Variants in ERMP1 observed in about 807,000 individuals in gnomAD.
ERMP1 encodes Felix-ina.
Under a neutral mutation model 92.0 loss-of-function variants are expected in ERMP1, and 86 were observed. The observed-to-expected ratio is 0.93, with a 90% confidence interval of 0.79 to 1.12. The LOEUF (loss-of-function observed/expected upper bound fraction) is 1.12, where lower values mean the gene tolerates loss of function less well. ERMP1 is among the 50% of genes most tolerant of loss of function. ERMP1 has a pLI of 0.00. For synonymous variants in ERMP1, 530 were observed against 412.8 expected, an observed-to-expected ratio of 1.28 and a Z score of -3.44; for missense variants, 1,342 against 1,116.3, an observed-to-expected ratio of 1.20 and a Z score of -2.88.
At chr9:5,797,755 A>C (rs1390558209) in intron 13 of ERMP1, 62 bp downstream of exon 13, 1 of 981,836 alleles carries the variant, frequency 1.0e-6, no homozygotes, top group African/African-American at 1.6e-5. Context: ...AAAAACATAC[A>C]TGCCACTTAT....
At chr9:5,840,679 T>G (rs531640721) in intron 6 of ERMP1, among the ~76,000 whole-genome samples, 1 of 152,354 alleles carries the variant, frequency 6.6e-6, no homozygotes, top group African/African-American at 2.4e-5. Context: ...CTGCGGTGTA[T>G]CCTCCAACGA....
In ERMP1 at chr9:5,786,593, C is replaced by G. The variant is rs1178448908; in HGVS notation, c.*551G>C. On this transcript the variant is annotated 3_prime_UTR_variant, in exon 15 of 15. Coordinates refer to ENST00000339450, the MANE Select transcript of ERMP1 (RefSeq NM_024896.3). ...AGACAAAGCACATTTGAGAGGCTGC[C>G]TGAAGAAACAGCTTGACACAGGCTA... is the stretch of plus-strand genomic sequence containing the variant. The G allele has an allele frequency of 1.3e-5, 2 of 154,654 alleles. No individual in the cohort carries two copies. The highest frequency in any genetic ancestry group is 2.9e-5 in the Non-Finnish European group (2 of 69,678). 9.6% of individuals were successfully genotyped at this position (154,654 alleles called of 1,614,324 possible). A position where few individuals can be genotyped will look rare whatever the true frequency, so the allele number is the denominator to read the frequency against.
chr9:5,834,203 C>A (rs982310653), upstream of ERMP1, among the ~76,000 whole-genome samples: 1 of 152,216 alleles, frequency 6.6e-6, no homozygotes, highest in Non-Finnish European at 1.5e-5. Flanking sequence ...ACAATAGGAT[C>A]TTCTCACATG....
Position 5,824,520 on chromosome 9 carries a change from A to C in ERMP1, c.769-519T>G, listed in dbSNP as rs183433459. 4.0e-3 allele frequency among the ~76,000 whole-genome samples: 612 copies of C among 152,256 alleles called. 28 individuals carry two copies. Among genetic ancestry groups the C allele is most frequent in the Admixed American group, 0.035 (528 of 15,294 alleles). ...CAGGTTCAAACGATTCTCCTGCCTC[A>C]ACCTCCCGAATAGCTGGGATTACAG... On this transcript the variant is annotated intron_variant, in intron 3 of 14. Transcript: ENST00000339450.
intron 6 of ERMP1, among the ~76,000 whole-genome samples, chr9:5,845,391 C>T (rs545780500): frequency 6.6e-6 from 1 of 151,996 alleles, no homozygotes; most frequent in African/African-American, 2.4e-5. Flanking sequence ...AGCAAGACCC[C>T]ATTTCAAAAT....
chr9:5,809,123 G>A (rs1436355894), intron 8 of ERMP1, among the ~76,000 whole-genome samples: 3 of 152,138 alleles, frequency 2.0e-5, no homozygotes, highest in Non-Finnish European at 2.9e-5. Flanking sequence ...CCGGGTTCAC[G>A]CCATTCTCCT....
rs1028090317 is a variant in ERMP1 at position 5,809,998 on chromosome 9, A to G, written c.1548+13T>C. The G allele has an allele frequency of 7.8e-6, 12 of 1,537,330 alleles. No individual in the cohort carries two copies. The African/African-American group carries it at 1.5e-4, about 19-fold the overall frequency. ...GCAACAGAAAGAAATCAACAAATAT[A>G]CCAAACACTTACCATGTAATAAAAT... On this transcript the variant is annotated intron_variant, in intron 8 of 14. Transcript: ENST00000339450.
At chr9:5,826,914 A>G (rs1169891738) in intron 2 of ERMP1, among the ~76,000 whole-genome samples, 1 of 152,242 alleles carries the variant, frequency 6.6e-6, no homozygotes, top group East Asian at 1.9e-4. Flanking sequence ...CTGGTGCGTT[A>G]AAAGAGAACT....
intron 6 of ERMP1, among the ~76,000 whole-genome samples, chr9:5,847,759 G>A (rs1328193972): frequency 6.6e-6 from 1 of 151,792 alleles, no homozygotes; most frequent in African/African-American, 2.4e-5. Context: ...GCCGGGCGTG[G>A]TGGCAGGCGC....
intron 5 of ERMP1, among the ~76,000 whole-genome samples, chr9:5,861,170 G>GGTGTGT (rs35593711): frequency 0.042 from 4,245 of 101,636 alleles, 84 homozygotes; most frequent in East Asian, 0.053. Flanking sequence ...TGGCTTAGGG[G>GGTGTGT]GTGTGTGTGT....
At chr9:5,807,682 G>C (rs1443065518) in intron 8 of ERMP1, among the ~76,000 whole-genome samples, 1 of 152,008 alleles carries the variant, frequency 6.6e-6, no homozygotes, top group African/African-American at 2.4e-5. Context: ...GGAGGCAGAG[G>C]TTGCAGTGAG....
At chr9:5,794,133 G>GA (rs1189701057) in intron 13 of ERMP1, among the ~76,000 whole-genome samples, 1 of 151,882 alleles carries the variant, frequency 6.6e-6, no homozygotes, top group Non-Finnish European at 1.5e-5. Context: ...TCAATTATCA[G>GA]AAAAATAGCT....
intron 5 of ERMP1, among the ~76,000 whole-genome samples, chr9:5,812,526 C>A (rs1340599511): frequency 6.6e-6 from 1 of 152,162 alleles, no homozygotes; most frequent in Admixed American, 6.5e-5. Context: ...TACATTCTTG[C>A]CAGGCCAGAG....
chr9:5,832,944 C>T lies in ERMP1; in HGVS notation c.84G>A (p.Pro28=), dbSNP rs1216632036. Residue 28 remains proline (P), a synonymous_variant, in exon 1 of 15, where the codon CCG becomes CCA. Transcript: ENST00000339450. ...CCTGCGCTCGGGCCTCCCTCTCCGG[C>T]GGTGGCGCGGCCGCCGCTCCCTCTC... is the stretch of plus-strand genomic sequence containing the variant. ...ERREGAAAAP[P]PEREARAQEP... is the part of the protein sequence containing the mutation. 5 of 1,562,062 alleles carry T rather than the reference C, an allele frequency of 3.2e-6. No homozygotes were observed. Among genetic ancestry groups the T allele is most frequent in the Non-Finnish European group, 4.3e-6 (5 of 1,165,390 alleles).
intron 4 of ERMP1, among the ~76,000 whole-genome samples, chr9:5,817,450 A>G (rs1205975831): frequency 6.6e-6 from 1 of 152,242 alleles, no homozygotes; most frequent in Non-Finnish European, 1.5e-5. Context: ...TTGGCCTCCC[A>G]AAGTGCTGGG....
chr9:5,812,852 A>T, intron 5 of ERMP1, 37 bp downstream of exon 5: 1 of 1,612,944 alleles, frequency 6.2e-7, no homozygotes, highest in Non-Finnish European at 8.5e-7. Context: ...TTGATAAATA[A>T]ATGCTGCACA....
intron 6 of ERMP1, among the ~76,000 whole-genome samples, chr9:5,857,222 G>C (rs529723722): frequency 6.6e-6 from 1 of 152,020 alleles, no homozygotes; most frequent in Non-Finnish European, 1.5e-5. Context: ...GGGTTTTGCT[G>C]TGTTGCCCAG....
At chr9:5,829,065 G>A (rs1829836386) in intron 2 of ERMP1, among the ~76,000 whole-genome samples, 2 of 151,958 alleles carry the variant, frequency 1.3e-5, no homozygotes, top group South Asian at 2.1e-4. Context: ...CCAACATGGT[G>A]AAACCCTGTC....
chr9:5,866,626 G>A (rs1830672551), intron 5 of ERMP1, among the ~76,000 whole-genome samples: 1 of 152,150 alleles, frequency 6.6e-6, no homozygotes, highest in Non-Finnish European at 1.5e-5. Context: ...GGAGGCATGG[G>A]AAACTAAGGA....
Sources: allele counts gnomAD v4.1 joint callset (sites outside exome capture counted in the v4.1 genomes callset), GRCh38; gene constraint gnomAD v4.1.1; transcripts MANE v1.5; gene names NCBI Gene and HGNC (gene_info 2026-07-23, HGNC 2026-07-21).